Variants in STON2 observed in about 807,000 individuals in gnomAD.
STON2 encodes stonin-2.
In STON2, 29 loss-of-function variants were observed where a neutral mutation model predicts 65.7. The observed-to-expected ratio is 0.44, with a 90% CI of 0.33 to 0.60. The LOEUF (loss-of-function observed/expected upper bound fraction) is 0.60. STON2 is among the 20% of genes least tolerant of loss of function. The pLI, the probability that STON2 is intolerant of heterozygous loss-of-function variation, is 0.03. For missense variants in STON2, 1,054 were observed against 1,118.1 expected (o/e 0.94, Z 0.82); for synonymous variants, 404 against 414.2 (o/e 0.98, Z 0.30).
chr14:81,414,887 G>A (rs1196651177), intron 2 of STON2, among the ~76,000 whole-genome samples: 1 of 152,128 alleles, frequency 6.6e-6, no homozygotes, highest in Non-Finnish European at 1.5e-5. Context: ...ATGCTTGGTG[G>A]CCTGATGTGG....
intron 5 of STON2, 48 bp from the exon 6 acceptor site, chr14:81,278,787 G>C: frequency 7.0e-7 from 1 of 1,436,680 alleles, no homozygotes; most frequent in Non-Finnish European, 9.2e-7. Context: ...GGGCTCTAGA[G>C]GTAAGGAAAA....
intron 4 of STON2, among the ~76,000 whole-genome samples, chr14:81,367,029 C>T (rs1182742723): frequency 1.3e-5 from 2 of 152,168 alleles, no homozygotes; most frequent in Non-Finnish European, 2.9e-5. Context: ...CAACTGGAAC[C>T]ATCCAGCCTC....
chr14:81,293,147 C>A (rs1895625447), intron 5 of STON2, among the ~76,000 whole-genome samples: 1 of 151,378 alleles, frequency 6.6e-6, no homozygotes, highest in Non-Finnish European at 1.5e-5. Context: ...CCCTAGGAAG[C>A]CTTCACCTTA....
chr14:81,408,443 A>G (rs998482595), intron 2 of STON2, among the ~76,000 whole-genome samples: 1 of 152,188 alleles, frequency 6.6e-6, no homozygotes, highest in Non-Finnish European at 1.5e-5. Context: ...GCATCTATCT[A>G]TGATTCTCCA....
chr14:81,293,176 CTTTTTT>C (rs537387012), intron 5 of STON2, among the ~76,000 whole-genome samples: 1 of 138,952 alleles, frequency 7.2e-6, no homozygotes, highest in African/African-American at 2.6e-5. Context: ...TGACTTGTGT[CTTTTTT>C]TTTTTTTTTT....
At position 81,317,944 on chromosome 14, in the gene STON2, T is replaced by C. The variant is rs190924195; in HGVS notation, c.742+6073A>G. ...TGAGATATCTTCAGGACTTTCTCTT[T>C]TGTTTTTTATTTATTTTTTTATTTT... On this transcript the variant is annotated intron_variant, in intron 5 of 7. Coordinates refer to ENST00000614646, the MANE Select transcript of STON2 (RefSeq NM_001394390.1). Among the ~76,000 whole-genome samples the C allele has an allele frequency of 1.5e-3, 234 of 151,498 alleles. 1 individual carries two copies. The highest frequency in any genetic ancestry group is 5.4e-3 in the African/African-American group (222 of 41,244).
chr14:81,386,090 G>C (rs1429337795), intron 3 of STON2, among the ~76,000 whole-genome samples: 3 of 152,170 alleles, frequency 2.0e-5, no homozygotes, highest in African/African-American at 7.2e-5. Flanking sequence ...CCAGGGGAGA[G>C]GATCAGAGAC....
intron 5 of STON2, among the ~76,000 whole-genome samples, chr14:81,316,617 T>C (rs1459995264): frequency 6.6e-6 from 1 of 152,192 alleles, no homozygotes; most frequent in African/African-American, 2.4e-5. Context: ...CTCAGGAAGG[T>C]TACATAATCC....
intron 5 of STON2, among the ~76,000 whole-genome samples, chr14:81,306,138 TATTG>T (rs1413630011): frequency 1.0e-4 from 13 of 125,436 alleles, no homozygotes; most frequent in Non-Finnish European, 1.8e-4. Context: ...CAAAGAATCC[TATTG>T]ATTCTTTTAA....
At chr14:81,429,751 T>C (rs1377755423) in intron 1 of STON2, among the ~76,000 whole-genome samples, 1 of 152,022 alleles carries the variant, frequency 6.6e-6, no homozygotes, top group Non-Finnish European at 1.5e-5. Context: ...CTGGCCAACA[T>C]GGTGAAACCC....
intron 4 of STON2, among the ~76,000 whole-genome samples, chr14:81,355,619 C>A (rs967952358): frequency 1.2e-4 from 18 of 152,172 alleles, no homozygotes; most frequent in Admixed American, 5.9e-4. Context: ...TGCCAGTATG[C>A]CTACCTTATA....
intron 5 of STON2, among the ~76,000 whole-genome samples, chr14:81,280,286 G>C (rs985868870): frequency 6.6e-6 from 1 of 152,158 alleles, no homozygotes; most frequent in African/African-American, 2.4e-5. Context: ...TGGGAAGGGA[G>C]GGGAAATGAG....
chr14:81,399,123 G>A (rs1900475875), intron 1 of STON2, among the ~76,000 whole-genome samples: 1 of 152,178 alleles, frequency 6.6e-6, no homozygotes, highest in Non-Finnish European at 1.5e-5. Context: ...TGGAGTAAGA[G>A]GATAGGGAAC....
Position 81,421,787 on chromosome 14 carries a change from C to T in STON2, c.-199+5315G>A, listed in dbSNP as rs886430683. On this transcript the variant is annotated intron_variant, in intron 2 of 8. Transcript: ENST00000553821. ...ATTAGGCCCAGTGATTTGATGGGCCCGTGGGACAACCACATTGAGATGTTG... is the reference window on the plus strand; with the variant it reads ...ATTAGGCCCAGTGATTTGATGGGCCTGTGGGACAACCACATTGAGATGTTG... 3.3e-5 allele frequency among the ~76,000 whole-genome samples: 5 copies of T among 152,212 alleles called. No individual in the cohort carries two copies. The South Asian group carries it at 1.0e-3, about 32-fold the overall frequency.
At chr14:81,332,910 C>T (rs1897259023) in intron 4 of STON2, 1 of 272,770 alleles carries the variant, frequency 3.7e-6, no homozygotes, top group South Asian at 8.5e-5. Context: ...CATTGCAACA[C>T]CTTTACCCCT....
rs200834779 is a variant in STON2, at chr14:81,270,600, A to G, written c.2784+70T>C. The stretch of plus-strand genomic sequence containing the variant: ...AACATAGTAAGCATGGCTAAAAGGA[A>G]TAAGAGGGGGAGGGTAGTGGGGTGA... On this transcript the variant is annotated intron_variant, in intron 7 of 7. Coordinates refer to ENST00000614646, the MANE Select transcript of STON2 (RefSeq NM_001394390.1). The G allele has an allele frequency of 1.4e-4, 229 of 1,613,718 alleles. No individual in the cohort carries two copies. The highest frequency in any genetic ancestry group is 1.8e-4 in the Non-Finnish European group (215 of 1,179,814).
In STON2 at chr14:81,261,812, T is replaced by C. The variant is rs571411819; in HGVS notation, c.*6602A>G. 1.7e-5 allele frequency: 26 copies of C among 1,530,094 alleles called. 1 individual carries two copies. In the South Asian group the frequency reaches 2.9e-4, roughly 17 times the overall value. The allele number at this position is 1,530,094 out of a possible 1,614,324, so 94.8% of individuals were successfully genotyped here. A position where few individuals can be genotyped will look rare whatever the true frequency, so the allele number is the denominator to read the frequency against. ...CCATTGTTCTGATAGATGATGCCAG[T>C]GGAACTTCCAAAGAAGCATTCCACC... On this transcript the variant is annotated 3_prime_UTR_variant, in exon 8 of 8. Coordinates refer to ENST00000614646, the MANE Select transcript of STON2 (RefSeq NM_001394390.1).
At chr14:81,348,013 GA>G (rs1277648481) in intron 4 of STON2, among the ~76,000 whole-genome samples, 1 of 147,278 alleles carries the variant, frequency 6.8e-6, no homozygotes, top group Non-Finnish European at 1.5e-5. Flanking sequence ...ACAAAATGAA[GA>G]AAAAAAAACT....
chr14:81,433,350 C>A (rs1002933236), intron 1 of STON2, among the ~76,000 whole-genome samples: 8 of 152,194 alleles, frequency 5.3e-5, no homozygotes, highest in Non-Finnish European at 1.0e-4. Context: ...CTCCACCTGG[C>A]CACTAGAAAT....
Sources: allele counts gnomAD v4.1 joint callset (sites outside exome capture counted in the v4.1 genomes callset), GRCh38; gene constraint gnomAD v4.1.1; transcripts MANE v1.5; gene names NCBI Gene and HGNC (gene_info 2026-07-23, HGNC 2026-07-21).